Variants in XKR9 observed in about 807,000 individuals in gnomAD.
The protein encoded by XKR9 is XK-related protein 9.
In XKR9, 32 loss-of-function variants were observed where a neutral mutation model predicts 32.0. The ratio of observed to expected loss-of-function variants is 1.00; its 90% confidence interval spans 0.76 to 1.34. XKR9 has a LOEUF of 1.34. Ranked by LOEUF, XKR9 falls within the 40% of genes most tolerant of loss-of-function variation. The pLI is 0.00. For missense variants in XKR9, 546 were observed against 429.7 expected, an observed-to-expected ratio of 1.27 and a Z score of -2.39; for synonymous variants, 168 against 143.4, an observed-to-expected ratio of 1.17 and a Z score of -1.22.
At chr8:70,813,330 C>G in the XKR9 span, among the ~76,000 whole-genome samples, 5 of 152,056 alleles carry the variant, frequency 3.3e-5, no homozygotes, top group Non-Finnish European at 5.9e-5. Context: ...GACCTAAAAC[C>G]ATAAACCCTA....
chr8:70,720,787 G>A (rs1396621318), intron 4 of XKR9, among the ~76,000 whole-genome samples: 3 of 152,176 alleles, frequency 2.0e-5, no homozygotes, highest in East Asian at 1.9e-4. Context: ...TCTCTGCCAT[G>A]TTTTGGTGAC....
chr8:70,849,935 G>A, the XKR9 span, among the ~76,000 whole-genome samples: 10 of 150,920 alleles, frequency 6.6e-5, no homozygotes, highest in Non-Finnish European at 1.2e-4. Flanking sequence ...GTAGAATCTC[G>A]AATAGACCGA....
the XKR9 span, among the ~76,000 whole-genome samples, chr8:70,971,802 C>G: frequency 6.6e-6 from 1 of 152,076 alleles, no homozygotes; most frequent in Admixed American, 6.6e-5. Flanking sequence ...GGTTTCCTAT[C>G]TGTTCCATTA....
At chr8:70,711,318 T>C (rs1308372421) in intron 4 of XKR9, among the ~76,000 whole-genome samples, 1 of 152,220 alleles carries the variant, frequency 6.6e-6, no homozygotes, top group African/African-American at 2.4e-5. Flanking sequence ...TGAAGATGCA[T>C]GCATGCAGAT....
the XKR9 span, among the ~76,000 whole-genome samples, chr8:70,889,326 T>TGTCA: frequency 7.9e-5 from 12 of 152,038 alleles, no homozygotes; most frequent in Middle Eastern, 3.4e-3. Flanking sequence ...TTACTCAATT[T>TGTCA]GTCAGTTCTA....
chr8:70,932,212 AT>A, the XKR9 span, among the ~76,000 whole-genome samples: 2 of 151,988 alleles, frequency 1.3e-5, no homozygotes, highest in South Asian at 4.2e-4. Flanking sequence ...AATAACATGA[AT>A]GTGGTAGTAT....
At chr8:70,974,613 G>A in the XKR9 span, among the ~76,000 whole-genome samples, 2 of 152,178 alleles carry the variant, frequency 1.3e-5, no homozygotes, top group Non-Finnish European at 2.9e-5. Flanking sequence ...TGGTGTATAT[G>A]TGCCACATTT....
the XKR9 span, among the ~76,000 whole-genome samples, chr8:71,050,169 T>G: frequency 6.6e-6 from 1 of 150,754 alleles, no homozygotes; most frequent in African/African-American, 2.4e-5. Flanking sequence ...AAGTAATAGT[T>G]TCTATGTCAT....
chr8:70,748,923 C>T (rs1480083331), intron 2 of XKR9, among the ~76,000 whole-genome samples: 2 of 152,154 alleles, frequency 1.3e-5, no homozygotes, highest in Non-Finnish European at 2.9e-5. Flanking sequence ...CTTCAGGTCT[C>T]CTCAACTCTT....
At chr8:70,804,238 G>A in the XKR9 span, among the ~76,000 whole-genome samples, 1 of 152,238 alleles carries the variant, frequency 6.6e-6, no homozygotes, top group Admixed American at 6.5e-5. Context: ...GTGGGGGTAG[G>A]CGGGGTCACC....
chr8:70,778,763 G>A lies in XKR9; in HGVS notation n.353-10576G>A, dbSNP rs540804959. Among the ~76,000 whole-genome samples, 43 of 152,260 alleles carry A rather than the reference G, an allele frequency of 2.8e-4. 1 individual carries two copies. The highest frequency in any genetic ancestry group is 3.4e-3 in the Middle Eastern group (1 of 294). On this transcript the variant is annotated intron_variant and non_coding_transcript_variant, in intron 2 of 3. Transcript: ENST00000520273. ...GGGTCTCTGTTTGTCTGTTATTGGT[G>A]TATAGGGATGCTTGTGATTTTTGCA...
chr8:70,703,657 A>T (rs556327677), intron 3 of XKR9, among the ~76,000 whole-genome samples: 1 of 152,240 alleles, frequency 6.6e-6, no homozygotes, highest in East Asian at 1.9e-4. Flanking sequence ...ATGTTCACCA[A>T]TCCTACTTTT....
chr8:70,818,507 G>T, the XKR9 span, among the ~76,000 whole-genome samples: 1 of 152,086 alleles, frequency 6.6e-6, no homozygotes, highest in East Asian at 1.9e-4. Context: ...AACTATGACT[G>T]TTTACCACCA....
intron 2 of XKR9, among the ~76,000 whole-genome samples, chr8:70,769,326 C>T (rs1288232658): frequency 6.6e-6 from 1 of 151,436 alleles, no homozygotes; most frequent in Admixed American, 6.6e-5. Context: ...TGATGGGCTT[C>T]CCTTTGTGGG....
At chr8:70,904,708 A>G in the XKR9 span, among the ~76,000 whole-genome samples, 8 of 152,114 alleles carry the variant, frequency 5.3e-5, no homozygotes, top group African/African-American at 9.7e-5. Context: ...GCAGCTTCTT[A>G]CTAGCATCAA....
At chr8:70,913,073 A>T in the XKR9 span, among the ~76,000 whole-genome samples, 2 of 152,150 alleles carry the variant, frequency 1.3e-5, no homozygotes, top group African/African-American at 4.8e-5. Flanking sequence ...TTTTCCAAGG[A>T]TTAATGGAAG....
chr8:71,045,007 T>G, the XKR9 span, among the ~76,000 whole-genome samples: 1 of 152,146 alleles, frequency 6.6e-6, no homozygotes, highest in African/African-American at 2.4e-5. Flanking sequence ...CACATTTTAG[T>G]TTTGGTGAGG....
At chr8:71,029,046 G>T in the XKR9 span, among the ~76,000 whole-genome samples, 3,688 of 152,138 alleles carry the variant, frequency 0.024, 150 homozygotes, top group African/African-American at 0.084. Flanking sequence ...AATCCCTCCA[G>T]GTCCGTTGTC....
the XKR9 span, among the ~76,000 whole-genome samples, chr8:70,817,293 C>T: frequency 1.3e-5 from 2 of 152,098 alleles, no homozygotes; most frequent in Non-Finnish European, 2.9e-5. Context: ...GATGCAAAAT[C>T]AGTGCATAAA....
Sources: allele counts gnomAD v4.1 joint callset (sites outside exome capture counted in the v4.1 genomes callset), GRCh38; gene constraint gnomAD v4.1.1; transcripts MANE v1.5; gene names NCBI Gene and HGNC (gene_info 2026-07-23, HGNC 2026-07-21).